Variants in SLC9A9 observed in about 807,000 individuals in gnomAD.
The protein encoded by SLC9A9 is sodium/hydrogen exchanger 9.
Under a neutral mutation model 77.8 loss-of-function variants are expected in SLC9A9, and 62 were observed. The observed-to-expected ratio is 0.80, with a 90% CI of 0.65 to 0.98. The LOEUF is 0.98. Ranked by LOEUF, SLC9A9 falls within the 50% of genes least tolerant of loss-of-function variation. SLC9A9 has a pLI of 0.00. For missense variants in SLC9A9, 775 were observed against 774.9 expected (o/e 1.00, Z 0.00); for synonymous variants, 320 against 283.5 (o/e 1.13, Z -1.29).
chr3:143,463,056 C>A (rs2035223730), intron 12 of SLC9A9, among the ~76,000 whole-genome samples: 1 of 152,198 alleles, frequency 6.6e-6, no homozygotes, highest in Non-Finnish European at 1.5e-5. Flanking sequence ...TGATATCTGG[C>A]ACAGAGTAAG....
intron 4 of SLC9A9, among the ~76,000 whole-genome samples, chr3:143,767,440 C>G (rs1176568505): frequency 2.7e-5 from 4 of 150,400 alleles, no homozygotes; most frequent in African/African-American, 9.9e-5. Context: ...TCAAGGGCCA[C>G]ATTAACTGTT....
At position 143,819,615 on chromosome 3, in the gene SLC9A9, T is replaced by C. The variant is rs191458205; in HGVS notation, c.378+12404A>G. 4.1e-4 allele frequency among the ~76,000 whole-genome samples: 62 copies of C among 152,260 alleles called. No individual in the cohort carries two copies. In the East Asian group the frequency reaches 7.3e-3, roughly 18 times the overall value. ...ATGGACAATGCAACAGGAGAAGCCT[T>C]TGTAAATAAAAAAAAAATTTCCATG... On this transcript the variant is annotated intron_variant, in intron 2 of 15. Coordinates refer to ENST00000316549, the MANE Select transcript of SLC9A9 (RefSeq NM_173653.4).
intron 14 of SLC9A9, among the ~76,000 whole-genome samples, chr3:143,324,749 GA>G (rs1279544449): frequency 6.6e-6 from 1 of 152,120 alleles, no homozygotes; most frequent in Non-Finnish European, 1.5e-5. Flanking sequence ...CTGAGCCCAG[GA>G]AGACAAGGTT....
chr3:143,597,127 G>A (rs1286799984), intron 6 of SLC9A9, among the ~76,000 whole-genome samples: 2 of 152,192 alleles, frequency 1.3e-5, no homozygotes, highest in African/African-American at 2.4e-5. Flanking sequence ...AGGCCGAGGC[G>A]GATATCCAGG....
At chr3:143,469,688 C>T (rs1228765905) in intron 11 of SLC9A9, among the ~76,000 whole-genome samples, 1 of 152,082 alleles carries the variant, frequency 6.6e-6, no homozygotes, top group African/African-American at 2.4e-5. Flanking sequence ...CCACAGGATT[C>T]GACTAGAGAG....
At chr3:143,757,340 G>T (rs2006957774) in intron 4 of SLC9A9, among the ~76,000 whole-genome samples, 1 of 152,120 alleles carries the variant, frequency 6.6e-6, no homozygotes, top group African/African-American at 2.4e-5. Context: ...TGGAGAAATA[G>T]AAAATGTGCC....
chr3:143,266,415 C>T lies in SLC9A9; in HGVS notation c.*287G>A, dbSNP rs1578247993. On this transcript the variant is annotated 3_prime_UTR_variant, in exon 16 of 16. Coordinates refer to ENST00000316549, the MANE Select transcript of SLC9A9 (RefSeq NM_173653.4). ...TGCCCTGAAGACCCAGCACAGCTGT[C>T]CCATCCTCCAGCAGCTAGACTCCTG... is the stretch of plus-strand genomic sequence containing the variant. The T allele has an allele frequency of 3.6e-6, 2 of 552,482 alleles. No individual in the cohort carries two copies. Among genetic ancestry groups the T allele is most frequent in the Non-Finnish European group, 6.5e-6 (2 of 308,696 alleles). The allele number at this position is 552,482 out of a possible 1,614,324, so 34.2% of individuals were successfully genotyped here.
At chr3:143,624,251 C>T (rs2038275728) in intron 6 of SLC9A9, among the ~76,000 whole-genome samples, 1 of 152,140 alleles carries the variant, frequency 6.6e-6, no homozygotes, top group Admixed American at 6.5e-5. Context: ...GGGAATCCTC[C>T]CTAACTCATT....
At chr3:143,648,475 A>G (rs1169661641) in intron 6 of SLC9A9, among the ~76,000 whole-genome samples, 1 of 152,192 alleles carries the variant, frequency 6.6e-6, no homozygotes, top group Non-Finnish European at 1.5e-5. Context: ...GAGCTCAGGC[A>G]GTACTGCTCA....
chr3:143,283,763 C>T (rs559417184), intron 14 of SLC9A9, among the ~76,000 whole-genome samples: 33 of 152,252 alleles, frequency 2.2e-4, no homozygotes, highest in African/African-American at 6.3e-4. Context: ...TGAGTGCAAA[C>T]GGAAAGTCCT....
chr3:143,404,185 T>TC (rs1462982262), intron 12 of SLC9A9, among the ~76,000 whole-genome samples: 1 of 151,236 alleles, frequency 6.6e-6, no homozygotes, highest in Non-Finnish European at 1.5e-5. Flanking sequence ...TTTCTTTTTT[T>TC]TTTTTGGAGA....
Position 143,727,843 on chromosome 3 carries a change from T to C in SLC9A9, c.534-34536A>G, listed in dbSNP as rs6779482. Among the ~76,000 whole-genome samples, 1,304 of 152,378 alleles carry C rather than the reference T, an allele frequency of 8.6e-3. 24 individuals carry two copies. Among genetic ancestry groups the C allele is most frequent in the African/African-American group, 0.03 (1,248 of 41,596 alleles). The stretch of plus-strand genomic sequence containing the variant: ...GAATCTGCTACTACTGCATTATTTG[T>C]CTCTGTCAACTTAATCATTTAGCTA... On this transcript the variant is annotated intron_variant, in intron 4 of 15. Coordinates refer to ENST00000316549, the MANE Select transcript of SLC9A9 (RefSeq NM_173653.4).
chr3:143,285,078 G>A (rs1003760028), intron 14 of SLC9A9, among the ~76,000 whole-genome samples: 3 of 152,226 alleles, frequency 2.0e-5, no homozygotes, highest in East Asian at 3.9e-4. Flanking sequence ...ACTCTCTGAT[G>A]TTCTGGCTCA....
At chr3:143,326,698 T>C (rs2031615547) in intron 14 of SLC9A9, among the ~76,000 whole-genome samples, 1 of 152,196 alleles carries the variant, frequency 6.6e-6, no homozygotes, top group Non-Finnish European at 1.5e-5. Flanking sequence ...TTGTGGCAAA[T>C]AAGGATCATA....
rs138894717 is a variant in SLC9A9 at position 143,320,391 on chromosome 3, G to A, written c.1604+43093C>T. 1.8e-4 allele frequency among the ~76,000 whole-genome samples: 28 copies of A among 152,326 alleles called. 1 individual carries two copies. The East Asian group carries it at 3.3e-3, about 18-fold the overall frequency. ...AATTATGTGTTAGTCTTCTTGTGTTGCTATAAAGAAATACCTGAGGCTGGG... is the reference window on the plus strand; with the variant it reads ...AATTATGTGTTAGTCTTCTTGTGTTACTATAAAGAAATACCTGAGGCTGGG... On this transcript the variant is annotated intron_variant, in intron 14 of 15. Transcript: ENST00000316549.
chr3:143,826,686 A>G (rs565698957), intron 2 of SLC9A9, among the ~76,000 whole-genome samples: 1 of 152,260 alleles, frequency 6.6e-6, no homozygotes, highest in South Asian at 2.1e-4. Flanking sequence ...CCACACTTCA[A>G]CAAATTGGAA....
In SLC9A9 at chr3:143,848,352, A is replaced by G. The variant is rs750840212; in HGVS notation, c.-30T>C. 1 of 1,613,700 alleles carries G rather than the reference A, an allele frequency of 6.2e-7. No individual in the cohort carries two copies. Among genetic ancestry groups the G allele is most frequent in the Non-Finnish European group, 8.5e-7 (1 of 1,179,740 alleles). On this transcript the variant is annotated 5_prime_UTR_variant, in exon 1 of 16. Coordinates refer to ENST00000316549, the MANE Select transcript of SLC9A9 (RefSeq NM_173653.4). Reference sequence around the variant, plus strand: ...CAGTCTTCTTGGGATTCCTTAGATAAAAACCTGGATAAAGGCTATTTTATC... The same window carrying G: ...CAGTCTTCTTGGGATTCCTTAGATAGAAACCTGGATAAAGGCTATTTTATC...
intron 9 of SLC9A9, among the ~76,000 whole-genome samples, chr3:143,534,570 C>G (rs1405393211): frequency 6.6e-6 from 1 of 152,116 alleles, no homozygotes; most frequent in Non-Finnish European, 1.5e-5. Context: ...AGACCACTGG[C>G]TGATGTTAAG....
chr3:143,622,084 G>C (rs1300451628), intron 6 of SLC9A9, among the ~76,000 whole-genome samples: 2 of 152,128 alleles, frequency 1.3e-5, no homozygotes, highest in African/African-American at 4.8e-5. Context: ...AAAAAGAAAT[G>C]AACAAAGCCT....
Sources: allele counts gnomAD v4.1 joint callset (sites outside exome capture counted in the v4.1 genomes callset), GRCh38; gene constraint gnomAD v4.1.1; transcripts MANE v1.5; gene names NCBI Gene and HGNC (gene_info 2026-07-23, HGNC 2026-07-21).